ITIH5: variants seen among roughly 807,000 people sequenced by gnomAD.
ITIH5 encodes inter-alpha-trypsin inhibitor heavy chain H5.
ITIH5 carries 65 observed loss-of-function variants against 77.5 expected under a neutral mutation model. The ratio of observed to expected loss-of-function variants is 0.84; its 90% CI spans 0.69 to 1.03. The LOEUF (loss-of-function observed/expected upper bound fraction) is 1.03. Ranked by LOEUF, ITIH5 falls within the 50% of genes least tolerant of loss-of-function variation. The pLI, the probability that ITIH5 is intolerant of heterozygous loss-of-function variation, is 0.00. For missense variants in ITIH5, 1,208 were observed against 1,213.1 expected (o/e 1.00, Z 0.06); for synonymous variants, 525 against 494.3 (o/e 1.06, Z -0.82).
intron 2 of ITIH5, among the ~76,000 whole-genome samples, chr10:7,643,338 A>G (rs1356983366): frequency 6.6e-6 from 1 of 152,230 alleles, no homozygotes; most frequent in Non-Finnish European, 1.5e-5. Flanking sequence ...ACATTACCCC[A>G]TGACAGTCTT....
intron 7 of ITIH5, among the ~76,000 whole-genome samples, chr10:7,601,059 T>C (rs946796583): frequency 6.6e-6 from 1 of 152,190 alleles, no homozygotes; most frequent in African/African-American, 2.4e-5. Context: ...AAATATAACA[T>C]TTTTTGCTAC....
chr10:7,575,901 C>T (rs2130955383), intron 10 of ITIH5, among the ~76,000 whole-genome samples: 1 of 152,364 alleles, frequency 6.6e-6, no homozygotes, highest in African/African-American at 2.4e-5. Context: ...CACTAGGTGA[C>T]ATTTCTGAAC....
At chr10:7,625,764 CAA>C (rs376876834) in intron 5 of ITIH5, among the ~76,000 whole-genome samples, 1 of 117,836 alleles carries the variant, frequency 8.5e-6, no homozygotes. Flanking sequence ...TATTCTGTCT[CAA>C]AAAAAAAAAA....
At chr10:7,593,310 C>T (rs1451417716) in intron 7 of ITIH5, among the ~76,000 whole-genome samples, 1 of 152,038 alleles carries the variant, frequency 6.6e-6, no homozygotes, top group African/African-American at 2.4e-5. Context: ...CTCCTGCCCT[C>T]ATTCCAGAGG....
intron 11 of ITIH5, chr10:7,572,337 G>T (rs774229487): frequency 1.5e-6 from 2 of 1,367,644 alleles, no homozygotes; most frequent in Non-Finnish European, 2.0e-6. Context: ...GTTCCAGGAT[G>T]CTGGCAAAAG....
intron 5 of ITIH5, among the ~76,000 whole-genome samples, chr10:7,627,552 T>C (rs1165715305): frequency 6.6e-6 from 1 of 152,182 alleles, no homozygotes; most frequent in East Asian, 1.9e-4. Context: ...TTCTTTCCAA[T>C]GACGCTTCCT....
chr10:7,585,412 C>G (rs910368191), intron 8 of ITIH5, among the ~76,000 whole-genome samples: 1 of 152,206 alleles, frequency 6.6e-6, no homozygotes, highest in African/African-American at 2.4e-5. Flanking sequence ...TCCTCCCCAT[C>G]ACATTTTACC....
At chr10:7,602,033 T>C (rs1473598523) in intron 7 of ITIH5, among the ~76,000 whole-genome samples, 1 of 152,132 alleles carries the variant, frequency 6.6e-6, no homozygotes. Context: ...TTTACGTTTT[T>C]AGTAGAGACA....
At chr10:7,589,114 T>C (rs1832741392) in intron 7 of ITIH5, among the ~76,000 whole-genome samples, 1 of 152,240 alleles carries the variant, frequency 6.6e-6, no homozygotes, top group Non-Finnish European at 1.5e-5. Flanking sequence ...TTTCTTTTGC[T>C]TCATTTCTGG....
chr10:7,656,511 C>T (rs1347416223), intron 1 of ITIH5, among the ~76,000 whole-genome samples: 2 of 152,048 alleles, frequency 1.3e-5, no homozygotes, highest in Non-Finnish European at 2.9e-5. Context: ...CCACTGTGCC[C>T]AGCCAAAAGA....
At chr10:7,654,811 G>A (rs1564282622) in intron 2 of ITIH5, among the ~76,000 whole-genome samples, 1 of 152,110 alleles carries the variant, frequency 6.6e-6, no homozygotes, top group Non-Finnish European at 1.5e-5. Context: ...CACAGTTCTT[G>A]ACATGTTTAG....
chr10:7,602,275 C>T (rs140712405), intron 7 of ITIH5, among the ~76,000 whole-genome samples: 3 of 152,226 alleles, frequency 2.0e-5, no homozygotes, highest in Admixed American at 1.3e-4. Flanking sequence ...TCCAGGCTCT[C>T]CATCTGAATA....
Position 7,644,496 on chromosome 10 carries a change from AATCACATATATATGATATAT to A in ITIH5, c.136-2426_136-2407del, listed in dbSNP as rs1207601851. Among the ~76,000 whole-genome samples the A allele has an allele frequency of 1.8e-4, 12 of 64,904 alleles. No individual in the cohort carries two copies. The East Asian group carries it at 3.1e-3, about 17-fold the overall frequency. 42.6% of individuals were successfully genotyped at this position (64,904 alleles called of 152,430 possible). On this transcript the variant is annotated intron_variant, in intron 2 of 13. Coordinates refer to ENST00000397146, the MANE Select transcript of ITIH5 (RefSeq NM_030569.7). ...TCATATATAATCACATATATATCAT[AATCACATATATATGATATAT>A]ATCACATATATATGATATATCACAT... is the stretch of plus-strand genomic sequence containing the variant.
At chr10:7,641,853 G>A in intron 3 of ITIH5, 74 bp downstream of exon 3, 1 of 1,242,948 alleles carries the variant, frequency 8.0e-7, no homozygotes, top group Non-Finnish European at 1.2e-6. Context: ...TCACAAGGCT[G>A]TGGACCTCAC....
intron 5 of ITIH5, chr10:7,618,980 A>G (rs908606231): frequency 2.0e-5 from 3 of 152,274 alleles, no homozygotes; most frequent in African/African-American, 7.2e-5. Flanking sequence ...TCAGAGAGCC[A>G]GCAAAGAGAA....
At position 7,599,366 on chromosome 10, in the gene ITIH5, A is replaced by T. The variant is rs1832969559; in HGVS notation, c.940-13297T>A. The stretch of plus-strand genomic sequence containing the variant: ...GCTTGCTCTAATAGGAAGTAAGAGG[A>T]TGATGCTGACCAAGAGAGGTTCAGC... On this transcript the variant is annotated intron_variant, in intron 7 of 13. Coordinates refer to ENST00000397146, the MANE Select transcript of ITIH5 (RefSeq NM_030569.7). Among the ~76,000 whole-genome samples, 3 of 152,300 alleles carry T rather than the reference A, an allele frequency of 2.0e-5. No homozygotes were observed. In the South Asian group the frequency reaches 6.2e-4, roughly 32 times the overall value.
chr10:7,616,087 G>A lies in ITIH5; in HGVS notation c.834C>T (p.Gly278=). ...QSIGDIQVLN[G]YFVHYFAPKD... The stretch of plus-strand genomic sequence containing the variant: ...TAGGAGCAAAGTAGTGCACAAAATA[G>A]CCATTTAGAACCTGGTGGAGGGAAA... The change falls in exon 7 of 14, where the codon GGC becomes GGT. Residue 278 remains glycine (G), a synonymous_variant. Transcript: ENST00000397146. 1.2e-6 allele frequency: 2 copies of A among 1,600,772 alleles called. No homozygotes were observed. The highest frequency in any genetic ancestry group is 1.7e-6 in the Non-Finnish European group (2 of 1,167,934).
chr10:7,640,159 A>AAAAC (rs1833860533), intron 4 of ITIH5, among the ~76,000 whole-genome samples: 1 of 150,170 alleles, frequency 6.7e-6, no homozygotes, highest in South Asian at 2.1e-4. Context: ...AAAAAAAAAA[A>AAAAC]AAAAAAAAAA....
intron 5 of ITIH5, among the ~76,000 whole-genome samples, chr10:7,633,412 G>T (rs1437970314): frequency 6.6e-6 from 1 of 152,168 alleles, no homozygotes; most frequent in African/African-American, 2.4e-5. Context: ...GGCAAAGGTG[G>T]ATTGTATTGC....
Sources: gnomAD v4.1 joint callset for allele counts (sites outside exome capture counted in the v4.1 genomes callset) on GRCh38, gnomAD v4.1.1 for gene constraint, MANE v1.5 for transcripts, NCBI Gene and HGNC (gene_info 2026-07-23, HGNC 2026-07-21) for gene names.